MYCT1: variants seen among roughly 807,000 people sequenced by gnomAD.
The protein encoded by MYCT1 is myc target protein 1.
In MYCT1, 12 loss-of-function variants were observed where a neutral mutation model predicts 15.0. The observed-to-expected ratio is 0.80, with a 90% confidence interval of 0.51 to 1.29. The LOEUF is 1.29. Ranked by LOEUF, MYCT1 falls within the 50% of genes most tolerant of loss-of-function variation. MYCT1 has a pLI of 0.00. For missense variants in MYCT1, 287 were observed against 279.1 expected, an observed-to-expected ratio of 1.03 and a Z score of -0.20; for synonymous variants, 104 against 102.7, an observed-to-expected ratio of 1.01 and a Z score of -0.07.
chr6:152,735,907 T>C, the MYCT1 span, among the ~76,000 whole-genome samples: 2,251 of 152,258 alleles, frequency 0.015, 59 homozygotes, highest in African/African-American at 0.052. Context: ...GCCCTTTTTT[T>C]CTTCATTTTA....
At chr6:152,717,722 A>T (rs898888526) in intron 1 of MYCT1, among the ~76,000 whole-genome samples, 4 of 152,136 alleles carry the variant, frequency 2.6e-5, no homozygotes, top group African/African-American at 9.7e-5. Context: ...AGTCTCAGGT[A>T]TGTCTTTATC....
chr6:152,719,528 TTAAG>T (rs2099724314), intron 1 of MYCT1, among the ~76,000 whole-genome samples: 1 of 152,212 alleles, frequency 6.6e-6, no homozygotes, highest in African/African-American at 2.4e-5. Flanking sequence ...TGTTTGAGGA[TTAAG>T]TGATATAATA....
the MYCT1 span, among the ~76,000 whole-genome samples, chr6:152,741,604 G>T: frequency 6.6e-6 from 1 of 152,062 alleles, no homozygotes; most frequent in African/African-American, 2.4e-5. Context: ...TAAAAGCAAG[G>T]CTGGAAAGGC....
chr6:152,744,482 G>A, the MYCT1 span, among the ~76,000 whole-genome samples: 2 of 152,128 alleles, frequency 1.3e-5, no homozygotes, highest in African/African-American at 4.8e-5. Context: ...TAATAAAGAG[G>A]TAGAATTGAG....
chr6:152,734,671 T>G, the MYCT1 span, among the ~76,000 whole-genome samples: 162 of 152,350 alleles, frequency 1.1e-3, no homozygotes, highest in African/African-American at 3.7e-3. Flanking sequence ...TTGACATTTT[T>G]TTTTTTAGGA....
chr6:152,742,759 A>G, the MYCT1 span, among the ~76,000 whole-genome samples: 1 of 152,166 alleles, frequency 6.6e-6, no homozygotes, highest in South Asian at 2.1e-4. Flanking sequence ...CACATAATGT[A>G]TGATTGTATA....
intron 1 of MYCT1, among the ~76,000 whole-genome samples, chr6:152,700,920 G>C (rs2099721209): frequency 6.6e-6 from 1 of 152,074 alleles, no homozygotes; most frequent in African/African-American, 2.4e-5. Context: ...AAAGTACAAT[G>C]TCTGTCTCAA....
the MYCT1 span, among the ~76,000 whole-genome samples, chr6:152,736,689 CT>C: frequency 3.3e-5 from 5 of 151,860 alleles, no homozygotes; most frequent in Non-Finnish European, 4.4e-5. Context: ...TATTAATACA[CT>C]TTTTTTTAAA....
rs542869580 is a variant in MYCT1, at chr6:152,723,029, T to G, written c.*776T>G. 6.4e-6 allele frequency: 1 copy of G among 156,376 alleles called. No individual in the cohort carries two copies. Among genetic ancestry groups the G allele is most frequent in the Non-Finnish European group, 1.4e-5 (1 of 70,550 alleles). The allele number at this position is 156,376 out of a possible 1,614,324, so 9.7% of individuals were successfully genotyped here. ...AGTGCTGGAATTAGCCTGGCCAATC[T>G]TGGATTTTTAATGGAATATGTGGGC... On this transcript the variant is annotated 3_prime_UTR_variant, in exon 2 of 2. Transcript: ENST00000367245.
chr6:152,725,981 A>C (rs1289070662), downstream of MYCT1, among the ~76,000 whole-genome samples: 1 of 152,210 alleles, frequency 6.6e-6, no homozygotes, highest in African/African-American at 2.4e-5. Context: ...GGAGAGACGA[A>C]AATAACAAAG....
chr6:152,744,168 G>A, the MYCT1 span, among the ~76,000 whole-genome samples: 8 of 152,266 alleles, frequency 5.3e-5, no homozygotes, highest in South Asian at 2.1e-4. Flanking sequence ...GAGGGGACTC[G>A]AGGAGCATCA....
intron 1 of MYCT1, among the ~76,000 whole-genome samples, chr6:152,718,326 A>C (rs1347857472): frequency 6.6e-6 from 1 of 152,230 alleles, no homozygotes; most frequent in Non-Finnish European, 1.5e-5. Flanking sequence ...TATTTTGGAA[A>C]TAAAACAGTC....
At position 152,712,840 on chromosome 6, in the gene MYCT1, T is replaced by A. The variant is rs1001921262; in HGVS notation, c.197-8902T>A. ...ATTTGTAATTTGGCTGTGTTCAAGT[T>A]TTTTTTGTTAACCTTTGATCTTCAG... On this transcript the variant is annotated intron_variant, in intron 1 of 1. Transcript: ENST00000367245. 2.6e-5 allele frequency among the ~76,000 whole-genome samples: 4 copies of A among 152,206 alleles called. No homozygotes were observed. The East Asian group carries it at 7.7e-4, about 29-fold the overall frequency.
In MYCT1 at chr6:152,722,705, G is replaced by T. The variant is rs1335746491; in HGVS notation, c.*452G>T. 1 of 343,264 alleles carries T rather than the reference G, an allele frequency of 2.9e-6. No individual in the cohort carries two copies. The highest frequency in any genetic ancestry group is 5.7e-6 in the Non-Finnish European group (1 of 175,492). 21.3% of individuals were successfully genotyped at this position (343,264 alleles called of 1,614,324 possible). On this transcript the variant is annotated 3_prime_UTR_variant, in exon 2 of 2. Transcript: ENST00000367245. Reference sequence around the variant, plus strand: ...GATTTTACTTTCTTTAGAATGACAAGTGAATCATATTGACATTTTACAATC... The same window carrying T: ...GATTTTACTTTCTTTAGAATGACAATTGAATCATATTGACATTTTACAATC...
intron 1 of MYCT1, among the ~76,000 whole-genome samples, chr6:152,717,764 A>G (rs1318483045): frequency 6.6e-6 from 1 of 152,132 alleles, no homozygotes; most frequent in Admixed American, 6.6e-5. Context: ...TGCAATTTCT[A>G]AAGTGTGTAT....
chr6:152,720,370 G>A (rs1362063880), intron 1 of MYCT1, among the ~76,000 whole-genome samples: 1 of 151,996 alleles, frequency 6.6e-6, no homozygotes, highest in African/African-American at 2.4e-5. Flanking sequence ...TCAAGGGGTG[G>A]GGAAATAGAC....
chr6:152,703,808 T>C (rs2099721734), intron 1 of MYCT1, among the ~76,000 whole-genome samples: 1 of 152,120 alleles, frequency 6.6e-6, no homozygotes, highest in Non-Finnish European at 1.5e-5. Context: ...TTTAAGATTT[T>C]AGCTTTCATA....
At position 152,723,582 on chromosome 6, in the gene MYCT1, A is replaced by G. The variant is rs1271150315; in HGVS notation, c.*1329A>G. 1.3e-5 allele frequency: 2 copies of G among 152,188 alleles called. No individual in the cohort carries two copies. The highest frequency in any genetic ancestry group is 2.4e-5 in the African/African-American group (1 of 41,442). The allele number at this position is 152,188 out of a possible 1,614,324, so 9.4% of individuals were successfully genotyped here. On this transcript the variant is annotated 3_prime_UTR_variant, in exon 2 of 2. Coordinates refer to ENST00000367245, the MANE Select transcript of MYCT1 (RefSeq NM_025107.3). ...GGCATCATTCCTGGTTTGCTTCTCTACGAATCTCAATTCCAACTTCTCTGC... is the reference window on the plus strand; with the variant it reads ...GGCATCATTCCTGGTTTGCTTCTCTGCGAATCTCAATTCCAACTTCTCTGC...
intron 1 of MYCT1, chr6:152,706,230 G>T: frequency 5.4e-6 from 4 of 745,490 alleles, no homozygotes; most frequent in Non-Finnish European, 7.3e-6. Context: ...AGAAAATGAA[G>T]GAAAGGCTGG....
Sources: gnomAD v4.1 joint callset for allele counts (sites outside exome capture counted in the v4.1 genomes callset) on GRCh38, gnomAD v4.1.1 for gene constraint, MANE v1.5 for transcripts, NCBI Gene and HGNC (gene_info 2026-07-23, HGNC 2026-07-21) for gene names.